Variants in ATXN10 observed in about 807,000 individuals in gnomAD.
The protein encoded by ATXN10 is ataxin-10.
Under a neutral mutation model 52.9 loss-of-function variants are expected in ATXN10, and 28 were observed. The ratio of observed to expected loss-of-function variants is 0.53; its 90% CI spans 0.39 to 0.73. The LOEUF is 0.73. Among genes scored for constraint, ATXN10 ranks in the 30% least tolerant of loss-of-function variants. ATXN10 has a pLI of 0.00. For synonymous variants in ATXN10, 226 were observed against 221.5 expected (o/e 1.02, Z -0.18); for missense variants, 565 against 577.0 (o/e 0.98, Z 0.21).
intron 9 of ATXN10, among the ~76,000 whole-genome samples, chr22:45,748,520 T>C (rs997910213): frequency 1.3e-5 from 2 of 152,190 alleles, no homozygotes; most frequent in African/African-American, 4.8e-5. Context: ...TGAATTTCTC[T>C]TATGTTATTA....
chr22:45,693,224 T>C (rs1015910909), intron 3 of ATXN10, 146 bp downstream of exon 3: 4 of 742,958 alleles, frequency 5.4e-6, no homozygotes, highest in African/African-American at 5.3e-5. Context: ...TAAAGAATTA[T>C]AAAGTTGTAT....
intron 4 of ATXN10, 95 bp downstream of exon 4, chr22:45,700,473 C>A: frequency 2.0e-6 from 2 of 977,778 alleles, no homozygotes; most frequent in South Asian, 1.4e-5. Context: ...AAAAGTAACC[C>A]ACTGTAATAG....
intron 9 of ATXN10, among the ~76,000 whole-genome samples, chr22:45,800,694 G>T (rs1238855177): frequency 6.6e-6 from 1 of 152,188 alleles, no homozygotes; most frequent in Non-Finnish European, 1.5e-5. Flanking sequence ...CAACCCAGTG[G>T]CCATCAACAC....
At chr22:45,752,553 TTGGGGTTGGGGTTGGGGC>T (rs1248198022) in intron 9 of ATXN10, among the ~76,000 whole-genome samples, 1 of 55,086 alleles carries the variant, frequency 1.8e-5, no homozygotes, top group Non-Finnish European at 3.4e-5. Context: ...GGGGTTGGGG[TTGGGGTTGGGGTTGGGGC>T]TGGGGCTGGG....
At chr22:45,796,620 G>T (rs549052596) in intron 9 of ATXN10, among the ~76,000 whole-genome samples, 6 of 152,230 alleles carry the variant, frequency 3.9e-5, no homozygotes, top group African/African-American at 1.4e-4. Context: ...TCTCAGACCG[G>T]CCGACACTTA....
rs564549582 is a variant in ATXN10 at position 45,762,399 on chromosome 22, G to A, written c.1173+21861G>A. 1.3e-5 allele frequency among the ~76,000 whole-genome samples: 2 copies of A among 152,334 alleles called. No individual in the cohort carries two copies. The highest frequency in any genetic ancestry group is 4.8e-5 in the African/African-American group (2 of 41,582). ...GTTATGATAGATAGCAGATAAAGCA[G>A]TTGATTTCAGTCAGAAGCAGACCAC... On this transcript the variant is annotated intron_variant, in intron 9 of 11. Transcript: ENST00000252934. The surrounding 1 kb of genome is among the most constrained non-coding windows in gnomAD (Gnocchi z 4.3).
At position 45,750,292 on chromosome 22, in the gene ATXN10, T is replaced by TC. The variant is rs563419874; in HGVS notation, c.1173+9757dup. On this transcript the variant is annotated intron_variant, in intron 9 of 11. Transcript: ENST00000252934. This position sits in a 1 kb window ranked among gnomAD's most constrained non-coding sequence, Gnocchi z 4.2. The stretch of plus-strand genomic sequence containing the variant: ...ATTTTTTTTTGTAGAGGTGGGATTT[T>TC]CCCATGTTCCCCAGGCTGGTCTTGA... Among the ~76,000 whole-genome samples, 14 of 152,086 alleles carry TC rather than the reference T, an allele frequency of 9.2e-5. No individual in the cohort carries two copies. In the East Asian group the frequency reaches 2.7e-3, roughly 29 times the overall value.
chr22:45,782,073 G>A (rs939253321), intron 9 of ATXN10, among the ~76,000 whole-genome samples: 2 of 152,222 alleles, frequency 1.3e-5, no homozygotes, highest in African/African-American at 4.8e-5. Context: ...GTCAAGAGTG[G>A]ATCGAGTTTC....
At chr22:45,831,006 A>G (rs182484232) in intron 10 of ATXN10, among the ~76,000 whole-genome samples, 2 of 152,342 alleles carry the variant, frequency 1.3e-5, no homozygotes, top group Admixed American at 6.5e-5. Flanking sequence ...TGTGGCCTCT[A>G]CATTTACTGA....
intron 5 of ATXN10, among the ~76,000 whole-genome samples, chr22:45,711,840 G>A (rs1924261922): frequency 6.6e-6 from 1 of 152,140 alleles, no homozygotes; most frequent in South Asian, 2.1e-4. Context: ...TTGTATGCGG[G>A]AACATGGAGC....
rs746825111 is a variant in ATXN10, at chr22:45,718,371, T to C, written c.648-42T>C. On this transcript the variant is annotated intron_variant, in intron 5 of 11. Coordinates refer to ENST00000252934, the MANE Select transcript of ATXN10 (RefSeq NM_013236.4). This position sits in a 1 kb window ranked among gnomAD's most constrained non-coding sequence, Gnocchi z 4.4. ...GTAGATAAGGGCATGTCTCTTTTACTATGTTTCAAGTAACCAAACTTTCCT... is the reference window on the plus strand; with the variant it reads ...GTAGATAAGGGCATGTCTCTTTTACCATGTTTCAAGTAACCAAACTTTCCT... The C allele has an allele frequency of 3.4e-6, 5 of 1,464,008 alleles. No homozygotes were observed. The Admixed American group carries it at 8.4e-5, about 25-fold the overall frequency. The allele number at this position is 1,464,008 out of a possible 1,614,324, so 90.7% of individuals were successfully genotyped here.
intron 1 of ATXN10, among the ~76,000 whole-genome samples, chr22:45,682,064 C>T (rs576612362): frequency 6.6e-6 from 1 of 152,122 alleles, no homozygotes; most frequent in African/African-American, 2.4e-5. Flanking sequence ...TCTTCTCTCC[C>T]CCCTTAAAAA....
rs5765628 is a variant in ATXN10 at position 45,798,460 on chromosome 22, C to T, written c.1174-8499C>T. Among the ~76,000 whole-genome samples the T allele has an allele frequency of 3.5e-3, 525 of 152,130 alleles. 8 individuals carry two copies. Among genetic ancestry groups the T allele is most frequent in the Admixed American group, 0.019 (292 of 15,280 alleles). ...ATTATCTCAATAGAGGAAAAGCATT[C>T]GGAACAAAATTTACACTCATTCACG... On this transcript the variant is annotated intron_variant, in intron 9 of 11. Transcript: ENST00000252934.
At position 45,827,129 on chromosome 22, in the gene ATXN10, C is replaced by CCACA. The variant is rs57068887; in HGVS notation, c.1238-15822_1238-15819dup. Among the ~76,000 whole-genome samples the CCACA allele has an allele frequency of 3.2e-3, 475 of 146,698 alleles. 1 individual carries two copies. The highest frequency in any genetic ancestry group is 4.8e-3 in the African/African-American group (192 of 40,072). ...ATGTTAAATGTAATCCCCATGGTAA[C>CCACA]CACACACACACACACACACACACAC... On this transcript the variant is annotated intron_variant, in intron 10 of 11. Coordinates refer to ENST00000252934, the MANE Select transcript of ATXN10 (RefSeq NM_013236.4).
intron 10 of ATXN10, among the ~76,000 whole-genome samples, chr22:45,830,805 C>A (rs1355417413): frequency 2.0e-5 from 3 of 151,974 alleles, no homozygotes; most frequent in Non-Finnish European, 2.9e-5. Flanking sequence ...TTTGGCAAGT[C>A]CCCAAAAAGT....
Position 45,842,960 on chromosome 22 carries a change from A to G in ATXN10, c.1238-31A>G. The G allele has an allele frequency of 6.2e-7, 1 of 1,601,206 alleles. No individual in the cohort carries two copies. Among genetic ancestry groups the G allele is most frequent in the Non-Finnish European group, 8.6e-7 (1 of 1,168,228 alleles). ...ATGTGAAGTTATCAAACAGGAAAGT[A>G]CGTTGTCACATTCCTTCACTCTGGC... On this transcript the variant is annotated intron_variant, in intron 10 of 11. Coordinates refer to ENST00000252934, the MANE Select transcript of ATXN10 (RefSeq NM_013236.4). This position sits in a 1 kb window ranked among gnomAD's most constrained non-coding sequence, Gnocchi z 4.8.
At chr22:45,797,331 A>C (rs1927777807) in intron 9 of ATXN10, among the ~76,000 whole-genome samples, 1 of 152,236 alleles carries the variant, frequency 6.6e-6, no homozygotes, top group Non-Finnish European at 1.5e-5. Context: ...AACAGTGCTC[A>C]ATAAATGTAG....
chr22:45,735,508 G>C (rs1262208025), intron 7 of ATXN10, among the ~76,000 whole-genome samples: 1 of 151,936 alleles, frequency 6.6e-6, no homozygotes, highest in Admixed American at 6.5e-5. Flanking sequence ...AACTGGAGAA[G>C]GGAGAATTCA....
intron 1 of ATXN10, among the ~76,000 whole-genome samples, chr22:45,686,502 A>G (rs1204028686): frequency 6.6e-6 from 1 of 152,146 alleles, no homozygotes; most frequent in Admixed American, 6.6e-5. Context: ...GAGTTTCTCC[A>G]GGTCTGAGTT....
Sources: allele counts gnomAD v4.1 joint callset (sites outside exome capture counted in the v4.1 genomes callset), GRCh38; gene constraint gnomAD v4.1.1; non-coding constraint Gnocchi (gnomAD v3.1); transcripts MANE v1.5; gene names NCBI Gene and HGNC (gene_info 2026-07-23, HGNC 2026-07-21).